VPS13B: variants seen among roughly 807,000 people sequenced by gnomAD.
VPS13B encodes the protein intermembrane lipid transfer protein VPS13B.
Under a neutral mutation model 426.4 loss-of-function variants are expected in VPS13B, and 285 were observed. The ratio of observed to expected loss-of-function variants is 0.67; its 90% CI spans 0.61 to 0.74. The LOEUF is 0.74. VPS13B is among the 30% of genes least tolerant of loss of function. The probability of loss-of-function intolerance (pLI) is 0.00; values close to 1 mark genes in which losing one functional copy is unlikely to be tolerated. For synonymous variants in VPS13B, 1,676 were observed against 1,676.4 expected (o/e 1.00, Z 0.01); for missense variants, 4,537 against 4,782.6 (o/e 0.95, Z 1.51).
At chr8:99,403,338 CAGG>C (rs753439414) in intron 21 of VPS13B, among the ~76,000 whole-genome samples, 7 of 152,004 alleles carry the variant, frequency 4.6e-5, no homozygotes, top group Non-Finnish European at 8.8e-5. Context: ...CACCTGAGGC[CAGG>C]AGTTCAAGAC....
At chr8:99,773,948 T>A (rs1001790136) in intron 40 of VPS13B, among the ~76,000 whole-genome samples, 28 of 152,202 alleles carry the variant, frequency 1.8e-4, no homozygotes, top group African/African-American at 6.5e-4. Flanking sequence ...TGTACTTAAT[T>A]AGGGAAATTA....
At chr8:99,661,291 A>C in intron 34 of VPS13B, 63 bp from the exon 35 acceptor site, 1 of 1,595,556 alleles carries the variant, frequency 6.3e-7, no homozygotes. Context: ...ACTCAAACTC[A>C]TATATCAAAA....
intron 23 of VPS13B, among the ~76,000 whole-genome samples, chr8:99,455,347 T>C (rs913981828): frequency 2.6e-5 from 4 of 152,094 alleles, no homozygotes; most frequent in Non-Finnish European, 5.9e-5. Context: ...CTGCAGGCTG[T>C]ACAGGAAGCG....
intron 28 of VPS13B, among the ~76,000 whole-genome samples, chr8:99,508,384 G>A (rs1047347398): frequency 6.6e-6 from 1 of 152,120 alleles, no homozygotes; most frequent in Non-Finnish European, 1.5e-5. Context: ...CTGTATCAGT[G>A]ACTTTTAGAC....
chr8:99,371,220 C>A (rs1179917694), intron 19 of VPS13B, among the ~76,000 whole-genome samples: 1 of 152,032 alleles, frequency 6.6e-6, no homozygotes, highest in Admixed American at 6.6e-5. Flanking sequence ...CAGTTTTGGA[C>A]CTTTAGATGG....
At chr8:99,325,044 G>T (rs529674027) in intron 19 of VPS13B, among the ~76,000 whole-genome samples, 32 of 151,956 alleles carry the variant, frequency 2.1e-4, no homozygotes, top group African/African-American at 7.7e-4. Flanking sequence ...TTCTCAAATG[G>T]CTAATGACAT....
intron 16 of VPS13B, among the ~76,000 whole-genome samples, chr8:99,183,111 T>C (rs1432527343): frequency 1.3e-5 from 2 of 152,200 alleles, no homozygotes; most frequent in Non-Finnish European, 2.9e-5. Flanking sequence ...ACCTTGGTAT[T>C]GTATTTGAAT....
In VPS13B at chr8:99,658,062, A is replaced by G. The variant is rs140612755; in HGVS notation, c.5909-3292A>G. On this transcript the variant is annotated intron_variant, in intron 34 of 61. Transcript: ENST00000357162. ...GAATGAAGCTGAGCAGAGTTTTCCT[A>G]TTTTTCATAAAGCAGTGCTCTCCAG... is the stretch of plus-strand genomic sequence containing the variant. Among the ~76,000 whole-genome samples the G allele has an allele frequency of 2.2e-3, 342 of 152,286 alleles. 2 individuals are homozygous for G. Among genetic ancestry groups the G allele is most frequent in the African/African-American group, 8.0e-3 (334 of 41,578 alleles).
chr8:99,194,184 A>G (rs1259805282), intron 17 of VPS13B, among the ~76,000 whole-genome samples: 4 of 152,172 alleles, frequency 2.6e-5, no homozygotes, highest in Non-Finnish European at 4.4e-5. Flanking sequence ...GGCTTTTAGC[A>G]TTATATAAAG....
chr8:99,212,203 A>G (rs746275250), intron 17 of VPS13B, among the ~76,000 whole-genome samples: 4 of 152,146 alleles, frequency 2.6e-5, no homozygotes, highest in East Asian at 1.9e-4. Flanking sequence ...CAGTCGTGCA[A>G]TTTTGATGGA....
chr8:99,154,151 T>G (rs1588093501), intron 14 of VPS13B, among the ~76,000 whole-genome samples: 5 of 141,182 alleles, frequency 3.5e-5, no homozygotes, highest in South Asian at 4.2e-4. Flanking sequence ...TGTATGTAGG[T>G]TTTTTTTGTT....
intron 22 of VPS13B, among the ~76,000 whole-genome samples, chr8:99,442,025 A>T (rs1291571113): frequency 6.6e-6 from 1 of 152,144 alleles, no homozygotes; most frequent in African/African-American, 2.4e-5. Flanking sequence ...AGCCCTTTTT[A>T]AAAAAAGTAA....
At chr8:99,130,493 T>A (rs1809725165) in intron 8 of VPS13B, among the ~76,000 whole-genome samples, 1 of 150,798 alleles carries the variant, frequency 6.6e-6, no homozygotes, top group Non-Finnish European at 1.5e-5. Flanking sequence ...GTTCACGCCA[T>A]TCTCCTGCCT....
chr8:99,228,708 C>T (rs1816154335), intron 17 of VPS13B, among the ~76,000 whole-genome samples: 1 of 151,874 alleles, frequency 6.6e-6, no homozygotes, highest in South Asian at 2.1e-4. Flanking sequence ...GTACCAGGTA[C>T]ATTATGAGGC....
In VPS13B at chr8:99,629,909, A is replaced by G. The variant is rs376613530; in HGVS notation, c.5221-11902A>G. 3.3e-5 allele frequency among the ~76,000 whole-genome samples: 5 copies of G among 152,314 alleles called. No homozygotes were observed. In the South Asian group the frequency reaches 6.2e-4, roughly 19 times the overall value. ...TCTCTAGTCACCTACTCCCCTCTGC[A>G]CATTTTTATCGCATTAATTTTTCTC... On this transcript the variant is annotated intron_variant, in intron 33 of 61. Coordinates refer to ENST00000357162, the MANE Select transcript of VPS13B (RefSeq NM_152564.5).
intron 17 of VPS13B, among the ~76,000 whole-genome samples, chr8:99,272,167 ATAGT>A (rs1278804301): frequency 6.6e-5 from 10 of 152,212 alleles, no homozygotes; most frequent in Admixed American, 3.9e-4. Flanking sequence ...TTATTCATAC[ATAGT>A]TAAAGAAGCT....
intron 2 of VPS13B, among the ~76,000 whole-genome samples, chr8:99,026,551 C>T (rs1842145249): frequency 1.3e-5 from 2 of 152,142 alleles, no homozygotes; most frequent in African/African-American, 2.4e-5. Flanking sequence ...TGTTCAAGTC[C>T]CCAACTATTA....
intron 33 of VPS13B, among the ~76,000 whole-genome samples, chr8:99,595,723 T>C (rs1193283513): frequency 6.6e-6 from 1 of 151,938 alleles, no homozygotes; most frequent in Non-Finnish European, 1.5e-5. Flanking sequence ...TAATCATATA[T>C]TTGCAGAATG....
At chr8:99,492,286 A>G (rs1238058132) in intron 25 of VPS13B, among the ~76,000 whole-genome samples, 8 of 152,122 alleles carry the variant, frequency 5.3e-5, no homozygotes, top group Admixed American at 4.6e-4. Flanking sequence ...GTCGGCCCCT[A>G]CTGGGAGGTG....
Sources: allele counts gnomAD v4.1 joint callset (sites outside exome capture counted in the v4.1 genomes callset), GRCh38; gene constraint gnomAD v4.1.1; transcripts MANE v1.5; gene names NCBI Gene and HGNC (gene_info 2026-07-23, HGNC 2026-07-21).